Variants in DENND1A observed in about 807,000 individuals in gnomAD.
DENND1A encodes DENN domain containing 1A, also known as DENN domain-containing protein 1A.
Under a neutral mutation model 113.7 loss-of-function variants are expected in DENND1A, and 51 were observed. The observed-to-expected ratio is 0.45, with a 90% CI of 0.36 to 0.57. The LOEUF (loss-of-function observed/expected upper bound fraction) is 0.57, where lower values mean the gene tolerates loss of function less well. Among genes scored for constraint, DENND1A ranks in the 20% least tolerant of loss-of-function variants. The pLI is 0.00. For synonymous variants in DENND1A, 565 were observed against 570.8 expected (o/e 0.99, Z 0.14); for missense variants, 1,258 against 1,395.9 (o/e 0.90, Z 1.57).
intron 12 of DENND1A, among the ~76,000 whole-genome samples, chr9:123,571,659 A>T (rs76977039): frequency 0.056 from 8,420 of 150,478 alleles, 324 homozygotes; most frequent in South Asian, 0.094. Flanking sequence ...GTAAATACAT[A>T]AACATAAGGG....
intron 5 of DENND1A, among the ~76,000 whole-genome samples, chr9:123,685,735 G>A (rs138444353): frequency 1.3e-5 from 2 of 152,274 alleles, no homozygotes; most frequent in East Asian, 3.9e-4. Context: ...AATGGCACCT[G>A]CACTGACAAT....
At chr9:123,827,447 C>T (rs377355530) in intron 2 of DENND1A, among the ~76,000 whole-genome samples, 3 of 149,584 alleles carry the variant, frequency 2.0e-5, no homozygotes, top group Non-Finnish European at 4.4e-5. Flanking sequence ...CCTGGGAGGT[C>T]GAGGCTGGTG....
chr9:123,635,159 A>G (rs1231561520), intron 9 of DENND1A, among the ~76,000 whole-genome samples: 1 of 152,222 alleles, frequency 6.6e-6, no homozygotes, highest in Non-Finnish European at 1.5e-5. Context: ...GCCTCCGCTG[A>G]ATCCTAATAG....
chr9:123,628,467 A>G (rs2061336122), intron 10 of DENND1A, among the ~76,000 whole-genome samples: 1 of 152,054 alleles, frequency 6.6e-6, no homozygotes, highest in Non-Finnish European at 1.5e-5. Flanking sequence ...CACTCCCTAG[A>G]GTCTCCAATG....
chr9:123,577,029 G>GA (rs112601459), intron 12 of DENND1A, among the ~76,000 whole-genome samples: 25 of 149,882 alleles, frequency 1.7e-4, no homozygotes, highest in African/African-American at 4.4e-4. Flanking sequence ...CATCAAAATT[G>GA]AAAAAAAAAT....
At chr9:123,740,598 G>GA (rs979139717) in intron 5 of DENND1A, among the ~76,000 whole-genome samples, 5 of 149,498 alleles carry the variant, frequency 3.3e-5, no homozygotes, top group African/African-American at 7.4e-5. Context: ...TTCCTTCTTA[G>GA]AAAAAAAAAA....
In DENND1A at chr9:123,557,703, T is replaced by C. The variant is rs2136044271; in HGVS notation, c.868-8A>G. On this transcript the variant is annotated splice_region_variant and splice_polypyrimidine_tract_variant and intron_variant, in intron 12 of 23. Transcript: ENST00000394215. ...GTTCTTCAGGGAAGAGATCTGGTGATGGAGAGAAGGAAAACACAGGTTGAG... is the reference window on the plus strand; with the variant it reads ...GTTCTTCAGGGAAGAGATCTGGTGACGGAGAGAAGGAAAACACAGGTTGAG... The C allele has an allele frequency of 6.2e-7, 1 of 1,613,240 alleles. No individual in the cohort carries two copies. The highest frequency in any genetic ancestry group is 8.5e-7 in the Non-Finnish European group (1 of 1,179,556).
intron 13 of DENND1A, among the ~76,000 whole-genome samples, chr9:123,532,739 T>C (rs2055424601): frequency 6.6e-6 from 1 of 152,162 alleles, no homozygotes; most frequent in Admixed American, 6.6e-5. Context: ...AACTAAAAGA[T>C]GCACAGAAAA....
intron 3 of DENND1A, among the ~76,000 whole-genome samples, chr9:123,774,564 G>A (rs1830197476): frequency 6.6e-6 from 1 of 151,768 alleles, no homozygotes; most frequent in African/African-American, 2.4e-5. Flanking sequence ...TTTTTTTTCA[G>A]TGGGAAAAAG....
intron 2 of DENND1A, among the ~76,000 whole-genome samples, chr9:123,812,220 T>G (rs1836741169): frequency 6.6e-6 from 1 of 152,346 alleles, no homozygotes; most frequent in African/African-American, 2.4e-5. Context: ...TATCTGATAT[T>G]TTGCAGATAG....
At chr9:123,792,471 C>T (rs1833130703) in intron 3 of DENND1A, 116 bp downstream of exon 3, 12 of 1,084,210 alleles carry the variant, frequency 1.1e-5, no homozygotes, top group Non-Finnish European at 1.4e-5. Flanking sequence ...CTAATTACTG[C>T]TTTTCTTCCC....
rs11290706 is a variant in DENND1A, at chr9:123,779,999, G to GC, written c.133-10437dup. Among the ~76,000 whole-genome samples, 967 of 151,674 alleles carry GC rather than the reference G, an allele frequency of 6.4e-3. 3 individuals are homozygous for GC. The highest frequency in any genetic ancestry group is 0.011 in the Non-Finnish European group (725 of 67,920). On this transcript the variant is annotated intron_variant, in intron 3 of 23. Coordinates refer to ENST00000394215, the MANE Select transcript of DENND1A (RefSeq NM_001352964.2). ...CTCCTGAGTAGCTGGGATTACAGGC[G>GC]CCCCCCCACCACGCCAGCTAATTTT...
chr9:123,529,639 A>G (rs1465211123), intron 13 of DENND1A, among the ~76,000 whole-genome samples: 1 of 152,232 alleles, frequency 6.6e-6, no homozygotes, highest in African/African-American at 2.4e-5. Flanking sequence ...TTTCTCAGAA[A>G]CAAGTTAGAA....
In DENND1A at chr9:123,671,333, T is replaced by A; in HGVS notation, c.411A>T (p.Lys137Asn). The A allele has an allele frequency of 6.2e-7, 1 of 1,613,990 alleles. No homozygotes were observed. The change falls in exon 7 of 24, where the codon AAA (lysine) becomes AAT (asparagine). Residue 137 changes from lysine (K) to asparagine (N), a missense_variant. This residue lies in a region of DENND1A where 99 missense variants were observed against 164.2 expected (regional missense o/e 0.60). Coordinates refer to ENST00000394215, the MANE Select transcript of DENND1A (RefSeq NM_001352964.2). ...ACACTCCTGGGTCAGGGATGGGAAG[T>A]TTGTGCAGAGTTTCAAGAAGCTCAT... ...QWNELLETLHKLPIPDPGVSV... is the reference protein window; with the variant it reads ...QWNELLETLHNLPIPDPGVSV...
At chr9:123,739,961 C>A in intron 5 of DENND1A, among the ~76,000 whole-genome samples, 1 of 150,710 alleles carries the variant, frequency 6.6e-6, no homozygotes. Context: ...TTGCTATTCA[C>A]ACAAAACACC....
intron 8 of DENND1A, among the ~76,000 whole-genome samples, chr9:123,664,111 C>T (rs1179806582): frequency 6.6e-6 from 1 of 152,118 alleles, no homozygotes; most frequent in East Asian, 1.9e-4. Context: ...GGAGATTATG[C>T]CTGATTTTTC....
chr9:123,563,520 G>A (rs1290781404), intron 12 of DENND1A, among the ~76,000 whole-genome samples: 1 of 152,202 alleles, frequency 6.6e-6, no homozygotes, highest in Non-Finnish European at 1.5e-5. Context: ...ATTGTGAGGA[G>A]TAAAATATAA....
chr9:123,515,903 C>A (rs2053852156), intron 13 of DENND1A, among the ~76,000 whole-genome samples: 1 of 151,726 alleles, frequency 6.6e-6, no homozygotes, highest in Non-Finnish European at 1.5e-5. Flanking sequence ...CCTGTCTTTA[C>A]AAAAAATAAA....
Position 123,617,799 on chromosome 9 carries a change from A to T in DENND1A, c.720-8318T>A, listed in dbSNP as rs527248207. Among the ~76,000 whole-genome samples, 18 of 152,280 alleles carry T rather than the reference A, an allele frequency of 1.2e-4. No homozygotes were observed. In the South Asian group the frequency reaches 1.9e-3, roughly 16 times the overall value. ...ATAGCTAAAGCCAGACACGGAAAGGAAGTCTCAAGTTGTGAGCCACAAGCA... is the reference window on the plus strand; with the variant it reads ...ATAGCTAAAGCCAGACACGGAAAGGTAGTCTCAAGTTGTGAGCCACAAGCA... On this transcript the variant is annotated intron_variant, in intron 10 of 23. Transcript: ENST00000394215.
Sources: gnomAD v4.1 joint callset for allele counts (sites outside exome capture counted in the v4.1 genomes callset) on GRCh38, gnomAD v4.1.1 for gene constraint, gnomAD v4.1.1 regional missense constraint, MANE v1.5 for transcripts, NCBI Gene and HGNC (gene_info 2026-07-23, HGNC 2026-07-21) for gene names.